ARB2A: variants seen among roughly 807,000 people sequenced by gnomAD.
The protein encoded by ARB2A is cotranscriptional regulator ARB2A.
the ARB2A span, among the ~76,000 whole-genome samples, chr5:93,815,668 G>C: frequency 6.6e-6 from 1 of 152,048 alleles, no homozygotes; most frequent in Non-Finnish European, 1.5e-5. Flanking sequence ...CTTTTACCTT[G>C]TGAATCCTCC....
the ARB2A span, among the ~76,000 whole-genome samples, chr5:93,976,911 C>T: frequency 7.9e-4 from 120 of 152,094 alleles, no homozygotes; most frequent in African/African-American, 2.8e-3. Context: ...AGCGAACTCT[C>T]AGGACGGAAA....
chr5:93,640,559 T>G, the ARB2A span, among the ~76,000 whole-genome samples: 1 of 149,666 alleles, frequency 6.7e-6, no homozygotes, highest in African/African-American at 2.5e-5. Context: ...TATAGGGGTG[T>G]GTGTGTGTGT....
At chr5:93,880,525 T>C in the ARB2A span, among the ~76,000 whole-genome samples, 3 of 151,756 alleles carry the variant, frequency 2.0e-5, no homozygotes, top group Non-Finnish European at 4.4e-5. Context: ...TTATAAAACG[T>C]TATTTTCTCT....
At chr5:93,948,894 C>T in the ARB2A span, among the ~76,000 whole-genome samples, 14 of 152,144 alleles carry the variant, frequency 9.2e-5, no homozygotes, top group African/African-American at 3.4e-4. Flanking sequence ...CACCTCTAAG[C>T]AGTGAACTGA....
the ARB2A span, chr5:94,074,522 T>C: frequency 4.5e-6 from 3 of 669,052 alleles, no homozygotes; most frequent in Admixed American, 9.5e-5. Flanking sequence ...TATAAATAAT[T>C]GCAAATACTT....
At chr5:93,976,394 C>T in the ARB2A span, among the ~76,000 whole-genome samples, 9 of 152,248 alleles carry the variant, frequency 5.9e-5, no homozygotes, top group South Asian at 4.1e-4. Flanking sequence ...TACTGAAAGT[C>T]CTAGCCAGAG....
the ARB2A span, among the ~76,000 whole-genome samples, chr5:94,029,537 T>C: frequency 6.6e-6 from 1 of 151,934 alleles, no homozygotes; most frequent in African/African-American, 2.4e-5. Flanking sequence ...ACAGTCAGAT[T>C]CAACTTATAA....
chr5:93,795,343 C>T, the ARB2A span, among the ~76,000 whole-genome samples: 18 of 152,252 alleles, frequency 1.2e-4, no homozygotes, highest in South Asian at 8.3e-4. Flanking sequence ...TCTAGGCAGC[C>T]GGTGACCAGG....
the ARB2A span, among the ~76,000 whole-genome samples, chr5:93,972,833 T>C: frequency 6.6e-6 from 1 of 152,038 alleles, no homozygotes; most frequent in Non-Finnish European, 1.5e-5. Flanking sequence ...CTTAGCACTT[T>C]GTAAGGTCAA....
chr5:93,835,883 T>C, the ARB2A span, among the ~76,000 whole-genome samples: 1 of 152,162 alleles, frequency 6.6e-6, no homozygotes, highest in Non-Finnish European at 1.5e-5. Context: ...TTCTTTCTTC[T>C]AAAAAGTTAA....
chr5:93,981,662 T>C, the ARB2A span, among the ~76,000 whole-genome samples: 2 of 151,876 alleles, frequency 1.3e-5, no homozygotes, highest in East Asian at 1.9e-4. Context: ...TAAACAATAA[T>C]AAAATATTTA....
the ARB2A span, among the ~76,000 whole-genome samples, chr5:94,101,222 T>C: frequency 1.3e-5 from 2 of 152,144 alleles, no homozygotes; most frequent in Non-Finnish European, 2.9e-5. Context: ...CACTGATCAT[T>C]AGAGAAATGC....
chr5:93,938,074 C>T, the ARB2A span, among the ~76,000 whole-genome samples: 1 of 152,064 alleles, frequency 6.6e-6, no homozygotes, highest in Non-Finnish European at 1.5e-5. Context: ...TCTTAAATTC[C>T]ACTGCTCCGT....
chr5:93,899,517 T>C, the ARB2A span, among the ~76,000 whole-genome samples: 1 of 152,178 alleles, frequency 6.6e-6, no homozygotes, highest in Non-Finnish European at 1.5e-5. Context: ...GTGGCTATTA[T>C]AGGCAGAACA....
At chr5:94,065,717 C>T in the ARB2A span, among the ~76,000 whole-genome samples, 1 of 152,150 alleles carries the variant, frequency 6.6e-6, no homozygotes, top group African/African-American at 2.4e-5. Flanking sequence ...CTGGAGCATA[C>T]AGACATATAA....
the ARB2A span, among the ~76,000 whole-genome samples, chr5:93,631,837 C>T: frequency 2.0e-5 from 3 of 151,798 alleles, no homozygotes; most frequent in Admixed American, 1.3e-4. Context: ...GAGAAGCTAG[C>T]GCAGGGAAGA....
chr5:94,074,697 G>C, the ARB2A span: 2 of 1,612,920 alleles, frequency 1.2e-6, no homozygotes, highest in Admixed American at 1.7e-5. Context: ...TGCTGGATTT[G>C]TGCCATGTTT....
At chr5:93,730,576 T>G in the ARB2A span, among the ~76,000 whole-genome samples, 1 of 152,134 alleles carries the variant, frequency 6.6e-6, no homozygotes, top group African/African-American at 2.4e-5. Flanking sequence ...TAAAACTGTT[T>G]AAGAAAACAG....
the ARB2A span, among the ~76,000 whole-genome samples, chr5:94,012,129 G>A: frequency 5.3e-5 from 8 of 152,078 alleles, no homozygotes; most frequent in East Asian, 1.9e-4. Flanking sequence ...GGGGCCAGGC[G>A]CAGTGGCTCA....
Sources: allele counts gnomAD v4.1 joint callset (sites outside exome capture counted in the v4.1 genomes callset), GRCh38; gene constraint gnomAD v4.1.1; transcripts MANE v1.5; gene names NCBI Gene and HGNC (gene_info 2026-07-23, HGNC 2026-07-21).